The following KIF2C variants were observed in gnomAD, a reference collection of about 807,000 sequenced individuals.
The protein encoded by KIF2C is kinesin-like protein KIF2C.
In KIF2C, 34 loss-of-function variants were observed where a neutral mutation model predicts 97.4. The observed-to-expected ratio is 0.35, with a 90% CI of 0.27 to 0.46. The LOEUF (loss-of-function observed/expected upper bound fraction) is 0.46. Among genes scored for constraint, KIF2C ranks in the 20% least tolerant of loss-of-function variants. KIF2C has a pLI of 1.00. For synonymous variants in KIF2C, 313 were observed against 318.2 expected (o/e 0.98, Z 0.17); for missense variants, 750 against 907.6 (o/e 0.83, Z 2.23).
intron 2 of KIF2C, among the ~76,000 whole-genome samples, chr1:44,746,043 A>G (rs1649180141): frequency 6.6e-6 from 1 of 151,656 alleles, no homozygotes. Context: ...CACCCAGCCA[A>G]CTTTTTGTAT....
At chr1:44,746,077 C>T (rs1230978164) in intron 2 of KIF2C, among the ~76,000 whole-genome samples, 3 of 151,906 alleles carry the variant, frequency 2.0e-5, no homozygotes, top group South Asian at 2.1e-4. Context: ...GGGGTTTCAC[C>T]GTGTTGCCCA....
chr1:44,761,246 C>T lies in KIF2C; in HGVS notation c.1683+544C>T, dbSNP rs56031721. On this transcript the variant is annotated intron_variant, in intron 16 of 20. Coordinates refer to ENST00000372224, the MANE Select transcript of KIF2C (RefSeq NM_006845.4). The stretch of plus-strand genomic sequence containing the variant: ...GAAGGTGGGATTTTCTGACTAAGCT[C>T]TACCTAAGGCATTATCCTTTGGCCT... 3.3e-3 allele frequency among the ~76,000 whole-genome samples: 508 copies of T among 152,288 alleles called. 2 individuals are homozygous for T. The highest frequency in any genetic ancestry group is 0.011 in the African/African-American group (458 of 41,562).
Position 44,739,840 on chromosome 1 carries a change from C to T in KIF2C, c.-93C>T. On this transcript the variant is annotated 5_prime_UTR_variant, in exon 1 of 21. Transcript: ENST00000372224. ...AGGACGCTTGCGCGCGGGATTTAAA[C>T]TGCGGCGGTTTACGCGGCGTTAAGA... 8.4e-7 allele frequency: 1 copy of T among 1,187,358 alleles called. No homozygotes were observed. Among genetic ancestry groups the T allele is most frequent in the Non-Finnish European group, 1.3e-6 (1 of 794,898 alleles). 73.6% of individuals were successfully genotyped at this position (1,187,358 alleles called of 1,614,324 possible). A position where few individuals can be genotyped will look rare whatever the true frequency, so the allele number is the denominator to read the frequency against.
Position 44,767,463 on chromosome 1 carries a change from G to T in KIF2C, c.*284G>T, listed in dbSNP as rs910451581. On this transcript the variant is annotated 3_prime_UTR_variant, in exon 21 of 21. Coordinates refer to ENST00000372224, the MANE Select transcript of KIF2C (RefSeq NM_006845.4). ...CATCAAGGGGAATGTTCTCAGCATA[G>T]AGCTTTCTCCGCAGCATCCTGCCTG... 8.7e-6 allele frequency: 3 copies of T among 346,692 alleles called. No homozygotes were observed. The highest frequency in any genetic ancestry group is 6.3e-5 in the African/African-American group (3 of 47,310). 21.5% of individuals were successfully genotyped at this position (346,692 alleles called of 1,614,324 possible).
At chr1:44,755,794 A>T in intron 8 of KIF2C, 135 bp from the exon 9 acceptor site, 1 of 714,350 alleles carries the variant, frequency 1.4e-6, no homozygotes, top group South Asian at 1.7e-5. Context: ...TGGAGGATGC[A>T]GGGGTCCTAG....
chr1:44,746,879 G>A (rs1168738520), intron 2 of KIF2C: 41 of 1,057,882 alleles, frequency 3.9e-5, no homozygotes, highest in South Asian at 2.5e-4. Flanking sequence ...TTTTTTCTAT[G>A]TTGTTTTTTT....
intron 5 of KIF2C, 127 bp downstream of exon 5, chr1:44,750,691 C>A: frequency 9.3e-7 from 1 of 1,078,192 alleles, no homozygotes; most frequent in Non-Finnish European, 1.2e-6. Flanking sequence ...TCCTGCCCTA[C>A]CAACACGGCT....
rs765162097 is a variant in KIF2C at position 44,747,346 on chromosome 1, A to G, written c.166-38A>G. On this transcript the variant is annotated intron_variant, in intron 2 of 20. Coordinates refer to ENST00000372224, the MANE Select transcript of KIF2C (RefSeq NM_006845.4). ...AAGAAAAAATGTATTTGGATTGAACAATGTTGTTTCATTGAAACTTTTACT... is the reference window on the plus strand; with the variant it reads ...AAGAAAAAATGTATTTGGATTGAACGATGTTGTTTCATTGAAACTTTTACT... The G allele has an allele frequency of 2.4e-5, 36 of 1,476,310 alleles. No homozygotes were observed. The Admixed American group carries it at 3.0e-4, about 12-fold the overall frequency. The allele number at this position is 1,476,310 out of a possible 1,614,324, so 91.5% of individuals were successfully genotyped here. A position where few individuals can be genotyped will look rare whatever the true frequency, so the allele number is the denominator to read the frequency against.
At chr1:44,748,061 A>C (rs1649308740) in intron 4 of KIF2C, among the ~76,000 whole-genome samples, 2 of 152,198 alleles carry the variant, frequency 1.3e-5, no homozygotes, top group South Asian at 2.1e-4. Flanking sequence ...AATGGGAGAC[A>C]CTAGGCCTGT....
intron 2 of KIF2C, among the ~76,000 whole-genome samples, chr1:44,742,017 A>AAAAAAAAAT: frequency 6.6e-6 from 1 of 151,456 alleles, no homozygotes; most frequent in Non-Finnish European, 1.5e-5. Context: ...AAAAAAAAAA[A>AAAAAAAAAT]AAGAATGGTC....
In KIF2C at chr1:44,762,436, G is replaced by T. The variant is rs778714254; in HGVS notation, c.1842G>T (p.Ala614=). ...TEEMEACSNG[A]LIPGNLSKEE... The stretch of plus-strand genomic sequence containing the variant: ...AGATGGAAGCCTGCTCTAACGGGGC[G>T]CTGATTCCAGGCAATGTAAGGACCA... Residue 614 remains alanine (A), a synonymous_variant, in exon 18 of 21, where the codon GCG becomes GCT. Transcript: ENST00000372224. The T allele has an allele frequency of 1.2e-6, 2 of 1,614,062 alleles. No homozygotes were observed. Among genetic ancestry groups the T allele is most frequent in the South Asian group, 1.1e-5 (1 of 91,064 alleles).
intron 16 of KIF2C, among the ~76,000 whole-genome samples, chr1:44,761,602 C>T (rs559138725): frequency 2.2e-4 from 33 of 148,258 alleles, no homozygotes; most frequent in African/African-American, 7.8e-4. Flanking sequence ...AGTGAGACTC[C>T]GTCTCAAAAA....
At chr1:44,741,135 A>C (rs1249794371) in intron 2 of KIF2C, 128 bp downstream of exon 2, 2 of 670,102 alleles carry the variant, frequency 3.0e-6, no homozygotes, top group African/African-American at 1.8e-5. Context: ...GTAATCCCAG[A>C]ACTTTGGGAG....
intron 13 of KIF2C, 50 bp downstream of exon 13, chr1:44,758,190 T>A: frequency 6.5e-7 from 1 of 1,547,134 alleles, no homozygotes; most frequent in Non-Finnish European, 8.9e-7. Context: ...CAGCACTTTT[T>A]AAAACCTTGA....
In KIF2C at chr1:44,760,198, C is replaced by T. The variant is rs1650062400; in HGVS notation, c.1368-82C>T. 8 of 1,315,896 alleles carry T rather than the reference C, an allele frequency of 6.1e-6. No individual in the cohort carries two copies. The South Asian group carries it at 8.8e-5, about 15-fold the overall frequency. The allele number at this position is 1,315,896 out of a possible 1,614,324, so 81.5% of individuals were successfully genotyped here. ...CTTTTTCGCCTCCTAACCTGTGTCCCTCCCTTCCTAGAGAACTTCTGTGGA... is the reference window on the plus strand; with the variant it reads ...CTTTTTCGCCTCCTAACCTGTGTCCTTCCCTTCCTAGAGAACTTCTGTGGA... On this transcript the variant is annotated intron_variant, in intron 14 of 20. Transcript: ENST00000372224. This position sits in a 1 kb window ranked among gnomAD's most constrained non-coding sequence, Gnocchi z 4.2.
rs12075324 is a variant in KIF2C, at chr1:44,754,871, T to A, written c.759+26T>A. The A allele has an allele frequency of 7.4e-3, 10,151 of 1,365,548 alleles. 498 individuals are homozygous for A. The African/African-American group carries it at 0.12, about 15-fold the overall frequency. 84.6% of individuals were successfully genotyped at this position (1,365,548 alleles called of 1,614,324 possible). ...GTAAGTACATCCAAAGAACTTCTCT[T>A]TCTTAAGTGTACAATTGAGAGACAG... is the stretch of plus-strand genomic sequence containing the variant. On this transcript the variant is annotated intron_variant, in intron 8 of 20. Coordinates refer to ENST00000372224, the MANE Select transcript of KIF2C (RefSeq NM_006845.4).
rs1320974560 is a variant in KIF2C, at chr1:44,750,476, C to G, written c.351C>G (p.Val117=). 3 of 1,586,616 alleles carry G rather than the reference C, an allele frequency of 1.9e-6. No individual in the cohort carries two copies. Among genetic ancestry groups the G allele is most frequent in the Non-Finnish European group, 2.6e-6 (3 of 1,164,242 alleles). ...LRSRSTRMST[V]SELRITAQEN... ...GCCGCTCCACTCGCATGTCCACTGT[C>G]TCAGAGCTTCGCATCACGGCTCAGG... The change falls in exon 5 of 21, where the codon GTC becomes GTG. Residue 117 remains valine, a synonymous_variant. Transcript: ENST00000372224.
At chr1:44,759,166 T>C (rs1450200162) in intron 13 of KIF2C, 40 bp from the exon 14 acceptor site, 3 of 1,611,438 alleles carry the variant, frequency 1.9e-6, no homozygotes, top group Admixed American at 1.7e-5. Context: ...GGGTGCCGGG[T>C]GCCCAGTGGC....
At chr1:44,747,840 CT>C in intron 4 of KIF2C, 140 bp downstream of exon 4, 4 of 714,122 alleles carry the variant, frequency 5.6e-6, no homozygotes, top group East Asian at 2.7e-5. Context: ...GCATCTTTCT[CT>C]ATGAGAAAGA....
Sources: allele counts gnomAD v4.1 joint callset (sites outside exome capture counted in the v4.1 genomes callset), GRCh38; gene constraint gnomAD v4.1.1; non-coding constraint Gnocchi (gnomAD v3.1); transcripts MANE v1.5; gene names NCBI Gene and HGNC (gene_info 2026-07-23, HGNC 2026-07-21).